FAP: variants seen among roughly 807,000 people sequenced by gnomAD.
FAP encodes prolyl endopeptidase FAP.
Under a neutral mutation model 126.5 loss-of-function variants are expected in FAP, and 110 were observed. The ratio of observed to expected loss-of-function variants is 0.87; its 90% confidence interval spans 0.74 to 1.02. The LOEUF (loss-of-function observed/expected upper bound fraction) is 1.02. Ranked by LOEUF, FAP falls within the 50% of genes least tolerant of loss-of-function variation. The pLI is 0.00. For missense variants in FAP, 919 were observed against 909.2 expected, an observed-to-expected ratio of 1.01 and a Z score of -0.14; for synonymous variants, 334 against 297.3, an observed-to-expected ratio of 1.12 and a Z score of -1.27.
intron 12 of FAP, 74 bp downstream of exon 12, chr2:162,209,878 T>C (rs1011097953): frequency 7.3e-7 from 1 of 1,365,722 alleles, no homozygotes; most frequent in Non-Finnish European, 1.0e-6. Flanking sequence ...TTGGGTACAT[T>C]GCAAATAGTC....
intron 2 of FAP, among the ~76,000 whole-genome samples, chr2:162,229,076 T>A (rs186246297): frequency 4.9e-4 from 74 of 152,266 alleles, no homozygotes; most frequent in Middle Eastern, 3.4e-3. Flanking sequence ...AGTTATTTTT[T>A]AAAAAGTATA....
chr2:162,204,209 G>A (rs535969588), intron 12 of FAP, among the ~76,000 whole-genome samples: 15 of 152,320 alleles, frequency 9.8e-5, no homozygotes, highest in Middle Eastern at 3.4e-3. Context: ...AGAAAAGAGT[G>A]GAGGAAGTCA....
chr2:162,218,233 A>T lies in FAP; in HGVS notation c.608-93T>A, dbSNP rs112066576. 332 of 839,954 alleles carry T rather than the reference A, an allele frequency of 4.0e-4. 3 individuals are homozygous for T. In the African/African-American group the frequency reaches 4.7e-3, roughly 12 times the overall value. 52.0% of individuals were successfully genotyped at this position (839,954 alleles called of 1,614,324 possible). A position where few individuals can be genotyped will look rare whatever the true frequency, so the allele number is the denominator to read the frequency against. The stretch of plus-strand genomic sequence containing the variant: ...TAAATAGCTATTTATCAACTGAAAT[A>T]ATTTATTTAATGTGGATGTGACATA... On this transcript the variant is annotated intron_variant, in intron 8 of 25. Transcript: ENST00000188790.
chr2:162,197,768 A>T (rs1429631665), intron 16 of FAP: 3 of 389,894 alleles, frequency 7.7e-6, no homozygotes, highest in Admixed American at 3.1e-5. Flanking sequence ...GCAGTCAAAG[A>T]TTCCATTTGT....
intron 20 of FAP, among the ~76,000 whole-genome samples, chr2:162,187,436 T>C (rs1687900891): frequency 6.6e-6 from 1 of 152,042 alleles, no homozygotes; most frequent in Non-Finnish European, 1.5e-5. Flanking sequence ...ATTCATAACA[T>C]AATAATGAAA....
At chr2:162,220,032 A>T in intron 6 of FAP, 107 bp from the exon 7 acceptor site, 1 of 770,184 alleles carries the variant, frequency 1.3e-6, no homozygotes, top group East Asian at 2.6e-5. Flanking sequence ...ATTAAGGATC[A>T]TTCCCTCTGC....
In FAP at chr2:162,211,689, C is replaced by CATAA. The variant is rs557116180; in HGVS notation, c.1003-1697_1003-1694dup. ...AATTTTTGGATTTATTATTTTTAGCCATAAAAGTAAAATTAATTTTAATTC... is the reference window on the plus strand; with the variant it reads ...AATTTTTGGATTTATTATTTTTAGCCATAAATAAAAGTAAAATTAATTTTAATTC... On this transcript the variant is annotated intron_variant, in intron 11 of 25. Transcript: ENST00000188790. Among the ~76,000 whole-genome samples the CATAA allele has an allele frequency of 9.0e-4, 137 of 152,186 alleles. 1 individual carries two copies. The highest frequency in any genetic ancestry group is 3.2e-3 in the African/African-American group (133 of 41,542).
intron 21 of FAP, chr2:162,176,343 T>C (rs1687481932): frequency 1.3e-5 from 2 of 152,150 alleles, no homozygotes; most frequent in South Asian, 2.1e-4. Flanking sequence ...CTGGGGTATT[T>C]TATTGAAGAC....
chr2:162,216,361 G>A (rs1258593223), intron 9 of FAP, among the ~76,000 whole-genome samples: 2 of 152,264 alleles, frequency 1.3e-5, no homozygotes, highest in African/African-American at 4.8e-5. Flanking sequence ...ATAATAATCT[G>A]TATACCAAGG....
chr2:162,220,961 T>C (rs1168254449), intron 6 of FAP, among the ~76,000 whole-genome samples: 1 of 152,176 alleles, frequency 6.6e-6, no homozygotes, highest in Non-Finnish European at 1.5e-5. Context: ...CTCTCCAACC[T>C]GGAGCTAACA....
chr2:162,226,569 T>TA lies in FAP; in HGVS notation c.143dup (p.Leu48PhefsTer8). The stretch of plus-strand genomic sequence containing the variant: ...ATGTTTTATAAGAAAATGTTCCATT[T>TA]AAAATATCCTTCAGTGTGAGTGCTC... On this transcript the variant is annotated frameshift_variant, in exon 3 of 26. Transcript: ENST00000188790. LOFTEE classifies it high-confidence loss of function. The TA allele has an allele frequency of 6.2e-7, 1 of 1,600,700 alleles. No individual in the cohort carries two copies. Among genetic ancestry groups the TA allele is most frequent in the Non-Finnish European group, 8.5e-7 (1 of 1,172,348 alleles).
chr2:162,214,128 A>C, intron 10 of FAP, 55 bp from the exon 11 acceptor site: 1 of 1,571,606 alleles, frequency 6.4e-7, no homozygotes, highest in Non-Finnish European at 8.7e-7. Context: ...TCACACACAA[A>C]TAATTTCTTA....
At chr2:162,222,963 T>C (rs1421691185) in intron 6 of FAP, among the ~76,000 whole-genome samples, 1 of 152,150 alleles carries the variant, frequency 6.6e-6, no homozygotes, top group Non-Finnish European at 1.5e-5. Flanking sequence ...ATTCTCTTCG[T>C]CAATGCTTCG....
At chr2:162,210,048 C>T in intron 11 of FAP, 52 bp from the exon 12 acceptor site, 1 of 1,521,538 alleles carries the variant, frequency 6.6e-7, no homozygotes, top group Non-Finnish European at 9.1e-7. Flanking sequence ...CATTTTTTTC[C>T]TAAATGTAAT....
In FAP at chr2:162,204,516, G is replaced by C. The variant is rs369953616; in HGVS notation, c.1048-1371C>G. On this transcript the variant is annotated intron_variant, in intron 12 of 25. Transcript: ENST00000188790. ...GGTGGGGAGGACACAAAGAGACACT[G>C]AGAGATACAGGGAAGAAGACTATGT... is the stretch of plus-strand genomic sequence containing the variant. Among the ~76,000 whole-genome samples the C allele has an allele frequency of 1.6e-4, 24 of 152,278 alleles. No individual in the cohort carries two copies. The South Asian group carries it at 4.6e-3, about 29-fold the overall frequency.
At chr2:162,235,268 C>G (rs544611847) in intron 2 of FAP, among the ~76,000 whole-genome samples, 6 of 152,124 alleles carry the variant, frequency 3.9e-5, no homozygotes, top group South Asian at 4.1e-4. Context: ...AGTGCCCGGT[C>G]CCATGGATGG....
chr2:162,223,041 A>G (rs545009189), intron 6 of FAP, among the ~76,000 whole-genome samples: 32 of 152,198 alleles, frequency 2.1e-4, no homozygotes, highest in Non-Finnish European at 3.2e-4. Context: ...ATATGTATAT[A>G]TATATATGGA....
chr2:162,225,705 G>A, intron 3 of FAP, 128 bp from the exon 4 acceptor site: 1 of 893,262 alleles, frequency 1.1e-6, no homozygotes, highest in Non-Finnish European at 1.6e-6. Flanking sequence ...ATATTGCTTT[G>A]TGATATGTAA....
intron 14 of FAP, among the ~76,000 whole-genome samples, chr2:162,201,085 C>T (rs2106245398): frequency 6.6e-6 from 1 of 152,194 alleles, no homozygotes; most frequent in South Asian, 2.1e-4. Flanking sequence ...GTCAATTTAG[C>T]CAGATGCAAA....
Sources: gnomAD v4.1 joint callset for allele counts (sites outside exome capture counted in the v4.1 genomes callset) on GRCh38, gnomAD v4.1.1 for gene constraint, MANE v1.5 for transcripts, NCBI Gene and HGNC (gene_info 2026-07-23, HGNC 2026-07-21) for gene names.